AKT3: variants seen among roughly 807,000 people sequenced by gnomAD.
AKT3 encodes the protein RAC-gamma serine/threonine-protein kinase.
Under a neutral mutation model 65.3 loss-of-function variants are expected in AKT3, and 15 were observed. The ratio of observed to expected loss-of-function variants is 0.23; its 90% confidence interval spans 0.15 to 0.35. The LOEUF is 0.35. Among genes scored for constraint, AKT3 ranks in the 10% least tolerant of loss-of-function variants. The pLI, the probability that AKT3 is intolerant of heterozygous loss-of-function variation, is 1.00. For missense variants in AKT3, 243 were observed against 576.5 expected (o/e 0.42, Z 5.92); for synonymous variants, 206 against 183.8 (o/e 1.12, Z -0.98).
At chr1:243,625,517 G>A (rs1234585671) in intron 6 of AKT3, among the ~76,000 whole-genome samples, 1 of 152,116 alleles carries the variant, frequency 6.6e-6, no homozygotes, top group African/African-American at 2.4e-5. Context: ...TTGGATTTTG[G>A]TTAGCTTGAG....
intron 3 of AKT3, among the ~76,000 whole-genome samples, chr1:243,670,364 A>C (rs1683076869): frequency 6.6e-6 from 1 of 152,206 alleles, no homozygotes; most frequent in Non-Finnish European, 1.5e-5. Context: ...TAAAACTCTA[A>C]ATTACCATGT....
intron 2 of AKT3, among the ~76,000 whole-genome samples, chr1:243,784,387 C>T (rs1034153235): frequency 1.3e-5 from 2 of 149,118 alleles, no homozygotes; most frequent in African/African-American, 2.5e-5. Context: ...CAGGTTTTAA[C>T]GGAATTTTAA....
At chr1:243,824,893 C>T (rs1694076429) in intron 2 of AKT3, among the ~76,000 whole-genome samples, 1 of 152,154 alleles carries the variant, frequency 6.6e-6, no homozygotes, top group Admixed American at 6.5e-5. Context: ...ACCCAGCAAT[C>T]CCATTACTGG....
rs200983590 is a variant in AKT3, at chr1:243,544,711, T to TG, written c.1251+798_1251+799insC. Among the ~76,000 whole-genome samples the TG allele has an allele frequency of 3.5e-3, 530 of 149,388 alleles. 4 individuals carry two copies. The highest frequency in any genetic ancestry group is 0.032 in the South Asian group (155 of 4,792). On this transcript the variant is annotated intron_variant, in intron 12 of 13. Coordinates refer to ENST00000673466, the MANE Select transcript of AKT3 (RefSeq NM_005465.7). ...TAGTGGTTTTTTGTTTTTTGTTTTT[T>TG]TTTTTTTTAAGAGATTGGGTCTCAC...
intron 7 of AKT3, 55 bp from the exon 8 acceptor site, chr1:243,613,794 A>G: frequency 9.0e-7 from 1 of 1,107,132 alleles, no homozygotes; most frequent in Non-Finnish European, 1.3e-6. Flanking sequence ...TCTTATAATT[A>G]TAATAGTACT....
chr1:243,771,034 G>T (rs554265631), intron 2 of AKT3, among the ~76,000 whole-genome samples: 1 of 152,178 alleles, frequency 6.6e-6, no homozygotes, highest in Admixed American at 6.5e-5. Flanking sequence ...GAAGAGGCTA[G>T]ATGTTCAAGC....
At chr1:243,534,598 C>T (rs1026365108) in intron 12 of AKT3, among the ~76,000 whole-genome samples, 2 of 152,208 alleles carry the variant, frequency 1.3e-5, no homozygotes, top group Non-Finnish European at 2.9e-5. Context: ...AGACCATGTT[C>T]TGGGCCATAA....
intron 4 of AKT3, among the ~76,000 whole-genome samples, chr1:243,660,554 T>C (rs1222316054): frequency 1.3e-5 from 2 of 152,178 alleles, no homozygotes; most frequent in Admixed American, 6.5e-5. Flanking sequence ...ATTGATGGGA[T>C]GTATCTCAAA....
At chr1:243,813,017 G>A (rs916596483) in intron 2 of AKT3, among the ~76,000 whole-genome samples, 3 of 138,594 alleles carry the variant, frequency 2.2e-5, no homozygotes, top group Admixed American at 7.4e-5. Flanking sequence ...ATCACACACC[G>A]GGGCCTGTTG....
At chr1:243,765,380 G>A (rs1219996013) in intron 2 of AKT3, among the ~76,000 whole-genome samples, 1 of 151,904 alleles carries the variant, frequency 6.6e-6, no homozygotes, top group Non-Finnish European at 1.5e-5. Flanking sequence ...ATTTTGAACC[G>A]CAAACCCAGG....
At chr1:243,490,402 C>A (rs979090737) in intron 13 of AKT3, among the ~76,000 whole-genome samples, 1 of 152,212 alleles carries the variant, frequency 6.6e-6, no homozygotes, top group South Asian at 2.1e-4. Context: ...CTGGCACGCT[C>A]CATGGCAGGG....
intron 2 of AKT3, among the ~76,000 whole-genome samples, chr1:243,739,314 G>A (rs930011430): frequency 6.6e-6 from 1 of 151,994 alleles, no homozygotes; most frequent in African/African-American, 2.4e-5. Context: ...TTACATTCTT[G>A]TTTTTTATAT....
At position 243,666,705 on chromosome 1, in the gene AKT3, A is replaced by G. The variant is rs550834935; in HGVS notation, c.173-1822T>C. On this transcript the variant is annotated intron_variant, in intron 3 of 13. Coordinates refer to ENST00000673466, the MANE Select transcript of AKT3 (RefSeq NM_005465.7). ...ACAACCATCGTAAGTCAGAAATATT[A>G]TAAGGCAAAAATGCATTTAATACAC... 4.0e-4 allele frequency among the ~76,000 whole-genome samples: 61 copies of G among 152,324 alleles called. No individual in the cohort carries two copies. The Middle Eastern group carries it at 0.01, about 25-fold the overall frequency.
chr1:243,673,955 T>C (rs1416224292), intron 3 of AKT3, among the ~76,000 whole-genome samples: 1 of 152,164 alleles, frequency 6.6e-6, no homozygotes, highest in Non-Finnish European at 1.5e-5. Context: ...ATGATGAAAC[T>C]GGGATTTGAT....
intron 2 of AKT3, among the ~76,000 whole-genome samples, chr1:243,824,351 C>A (rs1426443971): frequency 6.6e-6 from 1 of 152,106 alleles, no homozygotes; most frequent in South Asian, 2.1e-4. Context: ...CAGGCATGGG[C>A]AAACTTTTCA....
At chr1:243,659,221 T>A (rs1682075234) in intron 4 of AKT3, among the ~76,000 whole-genome samples, 1 of 152,192 alleles carries the variant, frequency 6.6e-6, no homozygotes, top group South Asian at 2.1e-4. Flanking sequence ...AGTAGTCGAA[T>A]TCACAGAAGC....
chr1:243,576,234 A>G (rs1243844033), intron 8 of AKT3, among the ~76,000 whole-genome samples: 1 of 152,108 alleles, frequency 6.6e-6, no homozygotes, highest in Non-Finnish European at 1.5e-5. Context: ...AGGAACATAC[A>G]TCAAAATAAT....
At chr1:243,607,437 T>C (rs368905167) in intron 8 of AKT3, among the ~76,000 whole-genome samples, 58 of 152,366 alleles carry the variant, frequency 3.8e-4, no homozygotes, top group East Asian at 1.2e-3. Context: ...GACTGCACTA[T>C]TGGACTTTAG....
intron 12 of AKT3, among the ~76,000 whole-genome samples, chr1:243,515,184 C>G (rs1018157629): frequency 8.5e-5 from 13 of 152,196 alleles, no homozygotes; most frequent in Non-Finnish European, 1.0e-4. Context: ...AATGGACACA[C>G]TCATCTGTCA....
Sources: allele counts gnomAD v4.1 joint callset (sites outside exome capture counted in the v4.1 genomes callset), GRCh38; gene constraint gnomAD v4.1.1; transcripts MANE v1.5; gene names NCBI Gene and HGNC (gene_info 2026-07-23, HGNC 2026-07-21).